The following PCDHGA1 variants were observed in gnomAD, a reference collection of about 807,000 sequenced individuals.
The protein encoded by PCDHGA1 is protocadherin gamma-A1.
In PCDHGA1, 32 loss-of-function variants were observed where a neutral mutation model predicts 58.0. The observed-to-expected ratio is 0.55, with a 90% CI of 0.42 to 0.74. PCDHGA1 has a LOEUF of 0.74. PCDHGA1 is among the 30% of genes least tolerant of loss of function. PCDHGA1 has a pLI of 0.00. For synonymous variants in PCDHGA1, 498 were observed against 501.1 expected (o/e 0.99, Z 0.08); for missense variants, 1,205 against 1,182.3 (o/e 1.02, Z -0.28).
chr5:141,504,578 TGCCCAGGATTCACAGCAA>T (rs2099839274), intron 2 of PCDHGA1, among the ~76,000 whole-genome samples: 1 of 148,500 alleles, frequency 6.7e-6, no homozygotes, highest in African/African-American at 2.5e-5. Flanking sequence ...GAACACCATC[TGCCCAGGATTCACAGCAA>T]GAGGGAACTT....
intron 1 of PCDHGA1, chr5:141,403,943 A>T: frequency 6.2e-7 from 1 of 1,613,934 alleles, no homozygotes; most frequent in Non-Finnish European, 8.5e-7. Context: ...GAAAGGGTGG[A>T]CAAAAGTGCT....
intron 1 of PCDHGA1, chr5:141,413,082 A>C: frequency 3.7e-6 from 5 of 1,344,442 alleles, no homozygotes; most frequent in Non-Finnish European, 5.1e-6. Context: ...CCCAGGCTAC[A>C]GAGACACCCT....
intron 1 of PCDHGA1, chr5:141,422,056 G>A: frequency 8.7e-6 from 14 of 1,611,934 alleles, no homozygotes; most frequent in Non-Finnish European, 1.2e-5. Flanking sequence ...AATCAACGGG[G>A]AAGTAATGTA....
At chr5:141,370,735 TA>T (rs762297700) in intron 1 of PCDHGA1, 1 of 1,613,926 alleles carries the variant, frequency 6.2e-7, no homozygotes, top group Non-Finnish European at 8.5e-7. Context: ...GAAAAGCCTT[TA>T]AACTTTTTTC....
intron 1 of PCDHGA1, chr5:141,433,370 T>TCTAA (rs1466476027): frequency 1.8e-6 from 1 of 554,768 alleles, no homozygotes; most frequent in African/African-American, 1.9e-5. Context: ...TATCTATCTA[T>TCTAA]CTATCTATCT....
At chr5:141,399,816 G>T (rs1399321740) in intron 1 of PCDHGA1, 1 of 1,613,196 alleles carries the variant, frequency 6.2e-7, no homozygotes, top group Non-Finnish European at 8.5e-7. Flanking sequence ...ACCCCGCGCT[G>T]GGTCCCGACG....
chr5:141,464,907 T>A lies in PCDHGA1; in HGVS notation c.2422-29900T>A, dbSNP rs187725683. On this transcript the variant is annotated intron_variant, in intron 1 of 3. Transcript: ENST00000517417. ...ATGGATGCCACCATGTCCAGCTAAT[T>A]TTTTTATTTTTTTGTAGAGATGTGA... 4.5e-3 allele frequency among the ~76,000 whole-genome samples: 687 copies of A among 152,148 alleles called. 4 individuals are homozygous for A. Among genetic ancestry groups the A allele is most frequent in the African/African-American group, 0.015 (630 of 41,510 alleles).
In PCDHGA1 at chr5:141,376,256, C is replaced by T. The variant is rs576537938; in HGVS notation, c.2421+43151C>T. ...GCAGCGCTGGCACAAGTCACGCCTG[C>T]TGCAGGCTTCGGGAGGTGGCTTAGC... On this transcript the variant is annotated intron_variant, in intron 1 of 3. Transcript: ENST00000517417. 8 of 1,614,228 alleles carry T rather than the reference C, an allele frequency of 5.0e-6. No homozygotes were observed. The East Asian group carries it at 1.8e-4, about 36-fold the overall frequency.
intron 1 of PCDHGA1, among the ~76,000 whole-genome samples, chr5:141,407,680 C>A (rs2094967585): frequency 6.6e-6 from 1 of 151,942 alleles, no homozygotes; most frequent in Non-Finnish European, 1.5e-5. Flanking sequence ...CAAAGATTGG[C>A]TTTGTGGTGA....
At chr5:141,494,564 G>A (rs2099755274) in intron 1 of PCDHGA1, among the ~76,000 whole-genome samples, 1 of 152,138 alleles carries the variant, frequency 6.6e-6, no homozygotes, top group Non-Finnish European at 1.5e-5. Context: ...TTTAGGAAAG[G>A]AGTCTCAGCT....
chr5:141,333,012 G>A lies in PCDHGA1; in HGVS notation c.2328G>A (p.Ala776=), dbSNP rs757843707. The change falls in exon 1 of 4, where the codon GCG becomes GCA. Residue 776 remains alanine (A), a synonymous_variant. Coordinates refer to ENST00000517417, the MANE Select transcript of PCDHGA1 (RefSeq NM_018912.3). The part of the protein sequence containing the change: ...SHLIFPQPNY[A]DTLISQESCE... ...TGATTTTCCCCCAGCCCAACTATGCGGACACACTCATCAGCCAGGAGAGCT... is the reference window on the plus strand; with the variant it reads ...TGATTTTCCCCCAGCCCAACTATGCAGACACACTCATCAGCCAGGAGAGCT... The A allele has an allele frequency of 6.2e-7, 1 of 1,614,128 alleles. No homozygotes were observed. Among genetic ancestry groups the A allele is most frequent in the East Asian group, 2.2e-5 (1 of 44,874 alleles).
intron 1 of PCDHGA1, chr5:141,418,940 C>T (rs867717378): frequency 5.6e-6 from 9 of 1,614,010 alleles, no homozygotes; most frequent in Non-Finnish European, 7.6e-6. Flanking sequence ...GGAGGATTCC[C>T]CTCCAGGAGT....
chr5:141,403,442 G>C (rs565143998), intron 1 of PCDHGA1: 1 of 1,614,024 alleles, frequency 6.2e-7, no homozygotes, highest in East Asian at 2.2e-5. Flanking sequence ...GGATGTTGGC[G>C]TGAACTCCCT....
At chr5:141,414,400 G>C (rs768269499) in intron 1 of PCDHGA1, 1 of 1,613,878 alleles carries the variant, frequency 6.2e-7, no homozygotes, top group Admixed American at 1.7e-5. Context: ...TTACAGATTG[G>C]TGATACACAG....
chr5:141,413,019 C>A (rs1056458163), intron 1 of PCDHGA1: 24 of 683,104 alleles, frequency 3.5e-5, no homozygotes, highest in Non-Finnish European at 5.2e-5. Flanking sequence ...ACTACACAAG[C>A]CCCACAAACC....
At chr5:141,383,556 C>T (rs1365311931) in intron 1 of PCDHGA1, 1 of 1,612,766 alleles carries the variant, frequency 6.2e-7, no homozygotes, top group Non-Finnish European at 8.5e-7. Context: ...ATGGCGGCGA[C>T]CCGCCCCGAT....
intron 1 of PCDHGA1, chr5:141,374,164 G>A: frequency 6.2e-7 from 1 of 1,612,952 alleles, no homozygotes; most frequent in East Asian, 2.2e-5. Context: ...GGGGGGCCGC[G>A]GCAGCGCAGA....
intron 1 of PCDHGA1, chr5:141,400,255 C>A (rs2093990770): frequency 4.3e-6 from 7 of 1,613,928 alleles, no homozygotes; most frequent in Non-Finnish European, 1.7e-6. Context: ...CGTTGCCTTG[C>A]GCCTGCGACG....
rs2099413641 is a variant in PCDHGA1, at chr5:141,477,586, T to C, written c.2422-17221T>C. The C allele has an allele frequency of 1.9e-6, 3 of 1,614,022 alleles. No individual in the cohort carries two copies. The highest frequency in any genetic ancestry group is 2.5e-6 in the Non-Finnish European group (3 of 1,180,036). On this transcript the variant is annotated intron_variant, in intron 1 of 3. Transcript: ENST00000517417. This position sits in a 1 kb window ranked among gnomAD's most constrained non-coding sequence, Gnocchi z 4.9. ...GGGACCCCGACGCCCCGCAGAATGC[T>C]CGGCTTTCTTTCTTTCTCTTGGAGC... is the stretch of plus-strand genomic sequence containing the variant.
Sources: allele counts gnomAD v4.1 joint callset (sites outside exome capture counted in the v4.1 genomes callset), GRCh38; gene constraint gnomAD v4.1.1; non-coding constraint Gnocchi (gnomAD v3.1); transcripts MANE v1.5; gene names NCBI Gene and HGNC (gene_info 2026-07-23, HGNC 2026-07-21).